Variants in STARD13 observed in about 807,000 individuals in gnomAD.
The protein encoded by STARD13 is StAR related lipid transfer domain containing 13.
In STARD13, 62 loss-of-function variants were observed where a neutral mutation model predicts 106.4. The ratio of observed to expected loss-of-function variants is 0.58; its 90% confidence interval spans 0.48 to 0.72. The LOEUF (loss-of-function observed/expected upper bound fraction) is 0.72, where lower values mean the gene tolerates loss of function less well. Ranked by LOEUF, STARD13 falls within the 30% of genes least tolerant of loss-of-function variation. STARD13 has a pLI of 0.00. For synonymous variants in STARD13, 565 were observed against 553.0 expected (o/e 1.02, Z -0.31); for missense variants, 1,387 against 1,424.0 (o/e 0.97, Z 0.42).
At chr13:33,156,728 A>T (rs1882029881) in intron 3 of STARD13, among the ~76,000 whole-genome samples, 1 of 152,230 alleles carries the variant, frequency 6.6e-6, no homozygotes, top group Admixed American at 6.5e-5. Context: ...CCTATCTTAC[A>T]GTGTTACCAT....
intron 1 of STARD13, among the ~76,000 whole-genome samples, chr13:33,204,039 A>G (rs553604839): frequency 3.0e-4 from 45 of 152,378 alleles, no homozygotes; most frequent in South Asian, 1.2e-3. Flanking sequence ...TAGGCAGCAT[A>G]AAGGTAGTAT....
chr13:33,379,076 C>G, the STARD13 span, among the ~76,000 whole-genome samples: 1 of 152,130 alleles, frequency 6.6e-6, no homozygotes, highest in African/African-American at 2.4e-5. Flanking sequence ...CGCCACTGCA[C>G]TCCAGCCTGG....
the STARD13 span, among the ~76,000 whole-genome samples, chr13:33,625,882 A>G: frequency 5.9e-5 from 9 of 151,978 alleles, no homozygotes; most frequent in Non-Finnish European, 8.8e-5. Context: ...TTGTATTTTT[A>G]GTAGAGATGG....
the STARD13 span, among the ~76,000 whole-genome samples, chr13:33,439,507 C>A: frequency 6.6e-6 from 1 of 152,166 alleles, no homozygotes; most frequent in Non-Finnish European, 1.5e-5. Context: ...CAGAGAAAAC[C>A]CAATGAACTT....
At chr13:33,198,788 T>C (rs1886815098) in intron 1 of STARD13, among the ~76,000 whole-genome samples, 1 of 152,182 alleles carries the variant, frequency 6.6e-6, no homozygotes. Context: ...AGGTGGGTTA[T>C]TGCAATGGAC....
chr13:33,469,446 C>T, the STARD13 span, among the ~76,000 whole-genome samples: 3 of 152,260 alleles, frequency 2.0e-5, no homozygotes, highest in South Asian at 6.2e-4. Flanking sequence ...TAAGTCACTG[C>T]AAGTCTAGTT....
At chr13:33,459,427 T>C in the STARD13 span, among the ~76,000 whole-genome samples, 1 of 152,252 alleles carries the variant, frequency 6.6e-6, no homozygotes, top group African/African-American at 2.4e-5. Flanking sequence ...ACTGCATGTA[T>C]AATTAGTTTG....
At position 33,105,417 on chromosome 13, in the gene STARD13, G is replaced by A; in HGVS notation, c.*176C>T. The A allele has an allele frequency of 1.8e-6, 1 of 571,222 alleles. No homozygotes were observed. The highest frequency in any genetic ancestry group is 3.1e-6 in the Non-Finnish European group (1 of 318,138). 35.4% of individuals were successfully genotyped at this position (571,222 alleles called of 1,614,324 possible). The stretch of plus-strand genomic sequence containing the variant: ...ATGTAGCCATCTCCAGGAAGGCTAA[G>A]AAAGTTCTTGGAAATTCTTGCATCT... On this transcript the variant is annotated 3_prime_UTR_variant, in exon 14 of 14. Coordinates refer to ENST00000336934, the MANE Select transcript of STARD13 (RefSeq NM_178006.4).
chr13:33,656,864 G>A, the STARD13 span: 2 of 152,234 alleles, frequency 1.3e-5, 1 homozygote, highest in East Asian at 3.8e-4. Flanking sequence ...GGCTGCCCCA[G>A]GTACTGTCAG....
chr13:33,499,616 CTTCTT>C, the STARD13 span, among the ~76,000 whole-genome samples: 31 of 70,124 alleles, frequency 4.4e-4, no homozygotes, highest in South Asian at 2.5e-3. Context: ...TCTTCTTCTT[CTTCTT>C]CTTCTTCTTC....
intron 3 of STARD13, among the ~76,000 whole-genome samples, chr13:33,164,879 G>A (rs1004991473): frequency 2.0e-5 from 3 of 152,000 alleles, no homozygotes; most frequent in Non-Finnish European, 2.9e-5. Flanking sequence ...ACTTGACTTT[G>A]CAAAAAATAC....
chr13:33,356,500 AACTAGGTTCAT>A, the STARD13 span, among the ~76,000 whole-genome samples: 1 of 152,200 alleles, frequency 6.6e-6, no homozygotes, highest in Admixed American at 6.5e-5. Context: ...GGAGGTAGCC[AACTAGGTTCAT>A]ACCATGGCTC....
chr13:33,365,578 C>T, the STARD13 span, among the ~76,000 whole-genome samples: 1 of 152,110 alleles, frequency 6.6e-6, no homozygotes, highest in Non-Finnish European at 1.5e-5. Context: ...CAAGAGTGAA[C>T]ACAAGATTAT....
At chr13:33,144,926 A>G (rs1392212620) in intron 3 of STARD13, among the ~76,000 whole-genome samples, 2 of 152,238 alleles carry the variant, frequency 1.3e-5, no homozygotes, top group African/African-American at 2.4e-5. Context: ...CATCAAAGGA[A>G]TCATCTTCTA....
At chr13:33,603,670 C>T in the STARD13 span, among the ~76,000 whole-genome samples, 1 of 152,028 alleles carries the variant, frequency 6.6e-6, no homozygotes, top group Admixed American at 6.6e-5. Context: ...AAATTGATCT[C>T]AGCCAAGTGA....
At chr13:33,506,158 G>A in the STARD13 span, among the ~76,000 whole-genome samples, 1 of 152,208 alleles carries the variant, frequency 6.6e-6, no homozygotes, top group South Asian at 2.1e-4. Context: ...AAATCTCAAT[G>A]CCTGAGTACA....
At chr13:33,226,846 T>C (rs1888651789) in intron 1 of STARD13, among the ~76,000 whole-genome samples, 1 of 152,244 alleles carries the variant, frequency 6.6e-6, no homozygotes, top group Non-Finnish European at 1.5e-5. Context: ...AAAAAGTCTA[T>C]TAACTTGACT....
At chr13:33,160,078 C>T (rs1327582320) in intron 3 of STARD13, among the ~76,000 whole-genome samples, 1 of 152,164 alleles carries the variant, frequency 6.6e-6, no homozygotes, top group Admixed American at 6.5e-5. Flanking sequence ...CATTCCAGGA[C>T]TTACCTAAGT....
chr13:33,233,657 C>G (rs1205534413), intron 1 of STARD13, among the ~76,000 whole-genome samples: 3 of 152,244 alleles, frequency 2.0e-5, no homozygotes, highest in Non-Finnish European at 4.4e-5. Flanking sequence ...GCCCTTTGCC[C>G]TTGTTGGCAG....
Sources: gnomAD v4.1 joint callset for allele counts (sites outside exome capture counted in the v4.1 genomes callset) on GRCh38, gnomAD v4.1.1 for gene constraint, MANE v1.5 for transcripts, NCBI Gene and HGNC (gene_info 2026-07-23, HGNC 2026-07-21) for gene names.